The following ALK variants were observed in gnomAD, a reference collection of about 807,000 sequenced individuals.
ALK encodes the protein ALK receptor tyrosine kinase, also known as ALK tyrosine kinase receptor.
ALK carries 74 observed loss-of-function variants against 163.1 expected under a neutral mutation model. The observed-to-expected ratio is 0.45, with a 90% CI of 0.38 to 0.55. ALK has a LOEUF of 0.55. Among genes scored for constraint, ALK ranks in the 20% least tolerant of loss-of-function variants. ALK has a pLI of 0.00. For missense variants in ALK, 2,063 were observed against 2,105.3 expected, an observed-to-expected ratio of 0.98 and a Z score of 0.39; for synonymous variants, 960 against 843.2, an observed-to-expected ratio of 1.14 and a Z score of -2.40.
chr2:29,657,388 T>G (rs1397372025), intron 3 of ALK, among the ~76,000 whole-genome samples: 1 of 151,758 alleles, frequency 6.6e-6, no homozygotes, highest in Non-Finnish European at 1.5e-5. Context: ...ATCTGTAAAA[T>G]GGGGACAGCA....
chr2:29,204,282 A>G (rs937074787), intron 26 of ALK, among the ~76,000 whole-genome samples: 3 of 152,208 alleles, frequency 2.0e-5, no homozygotes, highest in African/African-American at 7.2e-5. Flanking sequence ...AGATTTCCTT[A>G]GTTTTCACTG....
At chr2:29,364,418 C>G (rs780554247) in intron 5 of ALK, among the ~76,000 whole-genome samples, 2 of 152,216 alleles carry the variant, frequency 1.3e-5, no homozygotes, top group African/African-American at 4.8e-5. Context: ...CTTCATGTCA[C>G]TGCTTAGAAA....
chr2:29,712,192 G>C (rs955428334), intron 2 of ALK, among the ~76,000 whole-genome samples: 1 of 152,198 alleles, frequency 6.6e-6, no homozygotes, highest in Non-Finnish European at 1.5e-5. Context: ...GGTGGTCCCT[G>C]ATCCTTGGTC....
chr2:29,823,226 C>T (rs934415936), intron 1 of ALK, among the ~76,000 whole-genome samples: 1 of 152,150 alleles, frequency 6.6e-6, no homozygotes, highest in African/African-American at 2.4e-5. Context: ...TGTGAGGCCT[C>T]CCCAGCCACG....
At chr2:29,903,313 A>C (rs572471992) in intron 1 of ALK, among the ~76,000 whole-genome samples, 4 of 152,310 alleles carry the variant, frequency 2.6e-5, no homozygotes, top group African/African-American at 9.6e-5. Flanking sequence ...TGGGCTATGA[A>C]AGATAGAAAG....
chr2:29,421,853 T>C (rs1329432016), intron 4 of ALK, among the ~76,000 whole-genome samples: 1 of 151,646 alleles, frequency 6.6e-6, no homozygotes, highest in African/African-American at 2.4e-5. Context: ...CAGAGCCCCA[T>C]TCTGCAAATC....
chr2:29,602,804 T>C (rs1453637789), intron 3 of ALK, among the ~76,000 whole-genome samples: 1 of 152,160 alleles, frequency 6.6e-6, no homozygotes, highest in African/African-American at 2.4e-5. Context: ...AAAAGCCAAG[T>C]TCTATAAAAA....
chr2:29,888,989 A>C (rs1667063462), intron 1 of ALK, among the ~76,000 whole-genome samples: 6 of 152,310 alleles, frequency 3.9e-5, no homozygotes, highest in Admixed American at 2.0e-4. Flanking sequence ...AAAACCAACA[A>C]GAGTGAGTAG....
intron 13 of ALK, among the ~76,000 whole-genome samples, chr2:29,234,877 T>C (rs2148185519): frequency 6.6e-6 from 1 of 152,340 alleles, no homozygotes; most frequent in African/African-American, 2.4e-5. Context: ...CATGCCCCGC[T>C]AATTTTTGTA....
intron 1 of ALK, among the ~76,000 whole-genome samples, chr2:29,910,637 ATCTCTGACTCAGGAAAT>A (rs1466715154): frequency 1.3e-5 from 2 of 152,214 alleles, no homozygotes; most frequent in Non-Finnish European, 2.9e-5. Flanking sequence ...GGTAAAGAGC[ATCTCTGACTCAGGAAAT>A]TCTCTGACTC....
chr2:29,379,367 A>G (rs907908430), intron 5 of ALK, among the ~76,000 whole-genome samples: 6 of 152,208 alleles, frequency 3.9e-5, no homozygotes, highest in Admixed American at 3.9e-4. Context: ...GCATTTATCA[A>G]TTGATTGATT....
At chr2:29,639,156 C>T (rs1676628771) in intron 3 of ALK, among the ~76,000 whole-genome samples, 1 of 152,202 alleles carries the variant, frequency 6.6e-6, no homozygotes, top group South Asian at 2.1e-4. Flanking sequence ...GGACAGGTTA[C>T]AGGGCTCATA....
At chr2:29,745,726 T>A (rs951496344) in intron 1 of ALK, among the ~76,000 whole-genome samples, 2 of 152,230 alleles carry the variant, frequency 1.3e-5, no homozygotes, top group Non-Finnish European at 2.9e-5. Context: ...GTTTGCCTCC[T>A]TCCTGGCATG....
At position 29,920,929 on chromosome 2, in the gene ALK, G is replaced by A; in HGVS notation, c.-270C>T. Reference sequence around the variant, plus strand: ...CACTGGCTGGGACCTTGAGCCTCCCGCTCTCCGCGCCGAGTGCCGCGCCCC... The same window carrying A: ...CACTGGCTGGGACCTTGAGCCTCCCACTCTCCGCGCCGAGTGCCGCGCCCC... On this transcript the variant is annotated 5_prime_UTR_variant, in exon 1 of 29. Coordinates refer to ENST00000389048, the MANE Select transcript of ALK (RefSeq NM_004304.5). The A allele has an allele frequency of 5.8e-6, 3 of 512,896 alleles. No homozygotes were observed. The highest frequency in any genetic ancestry group is 3.4e-5 in the Admixed American group (1 of 29,180). 31.8% of individuals were successfully genotyped at this position (512,896 alleles called of 1,614,324 possible).
At chr2:29,519,626 C>G (rs1163810164) in intron 4 of ALK, among the ~76,000 whole-genome samples, 1 of 152,120 alleles carries the variant, frequency 6.6e-6, no homozygotes, top group Admixed American at 6.5e-5. Flanking sequence ...GACAAGGTGG[C>G]AGAGGTTAAA....
intron 1 of ALK, among the ~76,000 whole-genome samples, chr2:29,825,897 T>C (rs1367793637): frequency 2.0e-5 from 3 of 152,146 alleles, no homozygotes; most frequent in South Asian, 4.2e-4. Context: ...AAAAGGGCAA[T>C]TGGATGTTTA....
At chr2:29,636,784 T>C (rs1219817214) in intron 3 of ALK, among the ~76,000 whole-genome samples, 2 of 152,136 alleles carry the variant, frequency 1.3e-5, no homozygotes, top group Non-Finnish European at 2.9e-5. Context: ...AGGCAAAAGA[T>C]TTAAAGGCAC....
intron 4 of ALK, among the ~76,000 whole-genome samples, chr2:29,497,503 C>A (rs1280637351): frequency 1.3e-5 from 2 of 152,194 alleles, no homozygotes; most frequent in Non-Finnish European, 2.9e-5. Context: ...GCAGCACACA[C>A]ATCCCCACTG....
rs145028315 is a variant in ALK, at chr2:29,213,985, G to A, written c.3742C>T (p.Arg1248Ter). The A allele has an allele frequency of 2.6e-5, 42 of 1,612,852 alleles. No individual in the cohort carries two copies. The highest frequency in any genetic ancestry group is 9.3e-5 in the African/African-American group (7 of 74,896). ...QYLEENHFIH[R>*]DIAARNCLLT... ...AAGAGCACAGTCACTTTGACTCACC[G>A]GTGGATGAAGTGGTTTTCCTCCAAA... is the stretch of plus-strand genomic sequence containing the variant. Residue 1248 changes from arginine (R) to a stop codon, truncating the protein, a stop_gained and splice_region_variant, in exon 24 of 29, where the codon CGA (arginine) becomes TGA (stop). Transcript: ENST00000389048. LOFTEE classifies it high-confidence loss of function.
Sources: gnomAD v4.1 joint callset for allele counts (sites outside exome capture counted in the v4.1 genomes callset) on GRCh38, gnomAD v4.1.1 for gene constraint, MANE v1.5 for transcripts, NCBI Gene and HGNC (gene_info 2026-07-23, HGNC 2026-07-21) for gene names.